Variants in MCTP2 observed in about 807,000 individuals in gnomAD.
The protein encoded by MCTP2 is multiple C2 and transmembrane domain-containing protein 2.
A neutral mutation model predicts 111.6 loss-of-function variants in MCTP2; 132 were observed. The observed-to-expected ratio is 1.18, with a 90% CI of 1.03 to 1.37. MCTP2 has a LOEUF of 1.37. Among genes scored for constraint, MCTP2 ranks in the 40% most tolerant of loss-of-function variants. The pLI is 0.00. For synonymous variants in MCTP2, 395 were observed against 387.7 expected, an observed-to-expected ratio of 1.02 and a Z score of -0.22; for missense variants, 1,183 against 1,067.9, an observed-to-expected ratio of 1.11 and a Z score of -1.50.
At chr15:94,468,810 T>G (rs534315053) in intron 20 of MCTP2, among the ~76,000 whole-genome samples, 16 of 152,236 alleles carry the variant, frequency 1.1e-4, no homozygotes, top group South Asian at 8.3e-4. Flanking sequence ...TGTATTTTAG[T>G]AGAGATGAGA....
At chr15:94,343,529 G>C (rs955185953) in intron 7 of MCTP2, 9 of 152,174 alleles carry the variant, frequency 5.9e-5, no homozygotes, top group African/African-American at 2.2e-4. Flanking sequence ...ATTTACTCTT[G>C]TGTCCAGGGA....
intron 1 of MCTP2, among the ~76,000 whole-genome samples, chr15:94,250,027 C>G (rs1457899091): frequency 6.6e-6 from 1 of 151,946 alleles, no homozygotes; most frequent in East Asian, 1.9e-4. Context: ...TGGAAAAAAT[C>G]AGCCATCAGT....
intron 16 of MCTP2, among the ~76,000 whole-genome samples, chr15:94,400,336 C>T (rs1224755773): frequency 1.3e-5 from 2 of 152,164 alleles, no homozygotes; most frequent in Non-Finnish European, 2.9e-5. Flanking sequence ...TTAATCACAG[C>T]CATTTTGTCC....
intron 10 of MCTP2, among the ~76,000 whole-genome samples, chr15:94,366,659 A>G (rs2079200689): frequency 1.3e-5 from 2 of 152,048 alleles, no homozygotes; most frequent in Admixed American, 6.6e-5. Flanking sequence ...CCTTTTCTGA[A>G]GTCTTGAATA....
chr15:94,243,717 A>G (rs2071349243), intron 1 of MCTP2, among the ~76,000 whole-genome samples: 1 of 122,614 alleles, frequency 8.2e-6, no homozygotes, highest in Admixed American at 7.5e-5. Flanking sequence ...ACATATATGT[A>G]TACACATACA....
chr15:94,447,371 A>G (rs1367386166), intron 19 of MCTP2, among the ~76,000 whole-genome samples: 3 of 151,726 alleles, frequency 2.0e-5, no homozygotes, highest in Admixed American at 6.6e-5. Flanking sequence ...TCTATAATTC[A>G]TTTGTGTGTG....
In MCTP2 at chr15:94,324,519, C is replaced by G. The variant is rs140985326; in HGVS notation, c.637+8882C>G. The stretch of plus-strand genomic sequence containing the variant: ...CAGCTGTAGGTTGAGGTTTGATGGT[C>G]TTTTTTGATGCGAGTTTTAGTGGAT... On this transcript the variant is annotated intron_variant, in intron 4 of 22. Coordinates refer to ENST00000357742, the MANE Select transcript of MCTP2 (RefSeq NM_001385001.1). Among the ~76,000 whole-genome samples, 10 of 152,278 alleles carry G rather than the reference C, an allele frequency of 6.6e-5. No individual in the cohort carries two copies. The East Asian group carries it at 1.7e-3, about 26-fold the overall frequency.
intron 17 of MCTP2, among the ~76,000 whole-genome samples, chr15:94,411,081 T>A (rs949483543): frequency 4.6e-5 from 7 of 152,210 alleles, no homozygotes; most frequent in African/African-American, 1.7e-4. Context: ...TTTTCAGAAC[T>A]GAATGCCTTT....
intron 12 of MCTP2, among the ~76,000 whole-genome samples, chr15:94,381,443 G>A (rs994768882): frequency 9.2e-5 from 14 of 152,192 alleles, no homozygotes; most frequent in Non-Finnish European, 1.2e-4. Context: ...GGTTTCTGGA[G>A]GAAAGTCTGT....
rs75366839 is a variant in MCTP2 at position 94,308,588 on chromosome 15, G to A, written c.466-5694G>A. On this transcript the variant is annotated intron_variant, in intron 2 of 22. Coordinates refer to ENST00000357742, the MANE Select transcript of MCTP2 (RefSeq NM_001385001.1). ...AATTTTACATTAGAAAGTGCTCAGC[G>A]ATGTACAAGCAACCATTTTTTAAAG... Among the ~76,000 whole-genome samples the A allele has an allele frequency of 4.7e-3, 715 of 152,340 alleles. 6 individuals carry two copies. The highest frequency in any genetic ancestry group is 0.016 in the African/African-American group (682 of 41,582).
intron 14 of MCTP2, among the ~76,000 whole-genome samples, chr15:94,390,070 A>ATATATGTATATATATATG (rs2080806481): frequency 1.7e-4 from 2 of 11,970 alleles, no homozygotes; most frequent in South Asian, 3.5e-3. Context: ...ATATATATAT[A>ATATATGTATATATATATG]TATATATATA....
At chr15:94,383,921 C>A in intron 12 of MCTP2, 101 bp from the exon 13 acceptor site, 2 of 833,382 alleles carry the variant, frequency 2.4e-6, no homozygotes, top group Non-Finnish European at 4.0e-6. Flanking sequence ...TCTTGCCTTC[C>A]CTCTTTCAGC....
At chr15:94,250,125 A>G (rs1196360403) in intron 1 of MCTP2, among the ~76,000 whole-genome samples, 1 of 151,990 alleles carries the variant, frequency 6.6e-6, no homozygotes, top group African/African-American at 2.4e-5. Flanking sequence ...AGAATTTTGT[A>G]GTTTGTGTTT....
intron 12 of MCTP2, among the ~76,000 whole-genome samples, chr15:94,374,400 A>T (rs761796437): frequency 3.9e-5 from 6 of 152,220 alleles, no homozygotes; most frequent in Non-Finnish European, 5.9e-5. Context: ...CAGATTATTC[A>T]GGATAGCCTT....
At chr15:94,370,449 C>T (rs1368840) in intron 12 of MCTP2, among the ~76,000 whole-genome samples, 20,511 of 152,180 alleles carry the variant, frequency 0.13, 1,571 homozygotes, top group Middle Eastern at 0.19. Context: ...GTATGAGTCA[C>T]GACTTCTTTA....
Position 94,482,220 on chromosome 15 carries a change from A to G in MCTP2, c.*3186A>G, listed in dbSNP as rs1567816526. 1 of 152,232 alleles carries G rather than the reference A, an allele frequency of 6.6e-6. No individual in the cohort carries two copies. The highest frequency in any genetic ancestry group is 1.5e-5 in the Non-Finnish European group (1 of 68,042). The allele number at this position is 152,232 out of a possible 1,614,324, so 9.4% of individuals were successfully genotyped here. A position where few individuals can be genotyped will look rare whatever the true frequency, so the allele number is the denominator to read the frequency against. ...CAACAGCATGCCATGCTCAGATTTA[A>G]GTTTGAAAAATATTCTAGCTGCAAT... On this transcript the variant is annotated 3_prime_UTR_variant, in exon 23 of 23. Coordinates refer to ENST00000357742, the MANE Select transcript of MCTP2 (RefSeq NM_001385001.1).
intron 1 of MCTP2, among the ~76,000 whole-genome samples, chr15:94,285,991 A>C (rs2074736054): frequency 2.0e-5 from 3 of 152,248 alleles, no homozygotes; most frequent in Admixed American, 2.0e-4. Flanking sequence ...TGTCTAGTAT[A>C]TGAAATGATT....
At chr15:94,242,525 C>G (rs2071050110) in intron 1 of MCTP2, among the ~76,000 whole-genome samples, 1 of 151,816 alleles carries the variant, frequency 6.6e-6, no homozygotes, top group Non-Finnish European at 1.5e-5. Context: ...TGCCTTCTAA[C>G]CAGGATAAGG....
chr15:94,400,098 T>C, intron 16 of MCTP2, 103 bp downstream of exon 16: 1 of 915,520 alleles, frequency 1.1e-6, no homozygotes, highest in Non-Finnish European at 1.8e-6. Flanking sequence ...TTTTCCTCCC[T>C]CTTACTCCTC....
Sources: allele counts gnomAD v4.1 joint callset (sites outside exome capture counted in the v4.1 genomes callset), GRCh38; gene constraint gnomAD v4.1.1; transcripts MANE v1.5; gene names NCBI Gene and HGNC (gene_info 2026-07-23, HGNC 2026-07-21).